INPP4B: variants seen among roughly 807,000 people sequenced by gnomAD.
INPP4B encodes the protein inositol polyphosphate 4-phosphatase type II.
In INPP4B, 55 loss-of-function variants were observed where a neutral mutation model predicts 122.5. That is an observed-to-expected ratio of 0.45 (90% CI 0.36 to 0.56). The LOEUF (loss-of-function observed/expected upper bound fraction) is 0.56. Ranked by LOEUF, INPP4B falls within the 20% of genes least tolerant of loss-of-function variation. The pLI is 0.00. For synonymous variants in INPP4B, 403 were observed against 388.7 expected, an observed-to-expected ratio of 1.04 and a Z score of -0.43; for missense variants, 1,000 against 1,097.7, an observed-to-expected ratio of 0.91 and a Z score of 1.26.
intron 2 of INPP4B, among the ~76,000 whole-genome samples, chr4:142,618,811 T>A (rs1744249742): frequency 6.6e-6 from 1 of 151,854 alleles, no homozygotes; most frequent in Non-Finnish European, 1.5e-5. Context: ...TGGAGAAAAT[T>A]TTTTGCAAAT....
At chr4:142,480,574 G>C (rs1820384437) in intron 2 of INPP4B, among the ~76,000 whole-genome samples, 1 of 152,188 alleles carries the variant, frequency 6.6e-6, no homozygotes, top group South Asian at 2.1e-4. Context: ...TGGCCATCTG[G>C]CCATCTCCAC....
chr4:142,282,641 A>G (rs1222452167), intron 9 of INPP4B, among the ~76,000 whole-genome samples: 1 of 152,130 alleles, frequency 6.6e-6, no homozygotes, highest in Non-Finnish European at 1.5e-5. Context: ...GGTTATCAGG[A>G]TAACACTCAG....
chr4:142,455,084 A>C (rs887342363), intron 3 of INPP4B, among the ~76,000 whole-genome samples: 2 of 152,008 alleles, frequency 1.3e-5, no homozygotes, highest in African/African-American at 4.8e-5. Flanking sequence ...TCAAAACCTC[A>C]TTATTTCATG....
rs564130001 is a variant in INPP4B, at chr4:142,764,944, CT to C, written c.-253-39044del. Among the ~76,000 whole-genome samples the C allele has an allele frequency of 7.1e-3, 1,084 of 152,132 alleles. 6 individuals are homozygous for C. The highest frequency in any genetic ancestry group is 0.011 in the Non-Finnish European group (780 of 68,006). On this transcript the variant is annotated intron_variant, in intron 1 of 25. Coordinates refer to ENST00000262992, the MANE Select transcript of INPP4B (RefSeq NM_001101669.3). ...AGACTAGGGACATATGAGATTTACTCTCTTAAGAGTAAATAATCTACTCTGG... is the reference window on the plus strand; with the variant it reads ...AGACTAGGGACATATGAGATTTACTCCTTAAGAGTAAATAATCTACTCTGG...
intron 25 of INPP4B, among the ~76,000 whole-genome samples, chr4:142,046,483 G>C (rs1751510113): frequency 1.3e-5 from 2 of 152,012 alleles, no homozygotes; most frequent in Admixed American, 1.3e-4. Context: ...TAGTACAGTT[G>C]AAGGAGGCGG....
At chr4:142,131,571 G>A (rs756509663) in intron 18 of INPP4B, among the ~76,000 whole-genome samples, 5 of 152,180 alleles carry the variant, frequency 3.3e-5, no homozygotes, top group African/African-American at 9.7e-5. Flanking sequence ...AGGGCCTCAC[G>A]TCCATAGATT....
intron 2 of INPP4B, among the ~76,000 whole-genome samples, chr4:142,702,190 A>T (rs1761878925): frequency 7.0e-6 from 1 of 143,498 alleles, no homozygotes. Context: ...TAGTTTCTTT[A>T]AAAAAAAAAA....
chr4:142,791,575 G>T (rs566079855), intron 1 of INPP4B, among the ~76,000 whole-genome samples: 73 of 152,038 alleles, frequency 4.8e-4, no homozygotes, highest in Non-Finnish European at 7.9e-4. Flanking sequence ...ATCATGTCTT[G>T]CCACTAACAT....
chr4:142,496,581 TTC>T (rs964457889), intron 2 of INPP4B, among the ~76,000 whole-genome samples: 6 of 152,276 alleles, frequency 3.9e-5, no homozygotes, highest in African/African-American at 7.2e-5. Flanking sequence ...TGGCTGTATT[TTC>T]TCTCAGACCT....
At chr4:142,703,596 G>T (rs1762084042) in intron 2 of INPP4B, among the ~76,000 whole-genome samples, 2 of 152,162 alleles carry the variant, frequency 1.3e-5, no homozygotes, top group Admixed American at 1.3e-4. Context: ...ATGTTTATGG[G>T]TATATAAATA....
At chr4:142,802,532 T>C (rs1024817901) in intron 1 of INPP4B, among the ~76,000 whole-genome samples, 2 of 152,142 alleles carry the variant, frequency 1.3e-5, no homozygotes, top group African/African-American at 4.8e-5. Context: ...TCACTTGTTA[T>C]AGGAAAGATA....
intron 2 of INPP4B, among the ~76,000 whole-genome samples, chr4:142,487,031 C>T (rs1383975503): frequency 1.3e-5 from 2 of 152,022 alleles, no homozygotes; most frequent in Non-Finnish European, 2.9e-5. Context: ...TTGGGAGGGA[C>T]CCGGTGAAAG....
chr4:142,601,712 G>A (rs1226469416), intron 2 of INPP4B, among the ~76,000 whole-genome samples: 7 of 151,944 alleles, frequency 4.6e-5, no homozygotes, highest in Admixed American at 3.9e-4. Flanking sequence ...GCTCATGCCT[G>A]TAATCCCAGC....
At chr4:142,704,259 C>T (rs28687206) in intron 2 of INPP4B, among the ~76,000 whole-genome samples, 4,311 of 152,116 alleles carry the variant, frequency 0.028, 179 homozygotes, top group African/African-American at 0.097. Context: ...TGATAAATAA[C>T]GTATTGGAAA....
chr4:142,682,839 A>T (rs1451071409), intron 2 of INPP4B, among the ~76,000 whole-genome samples: 1 of 152,114 alleles, frequency 6.6e-6, no homozygotes, highest in East Asian at 1.9e-4. Context: ...TACCTTTGGC[A>T]TCTATAAGAT....
Position 142,238,037 on chromosome 4 carries a change from G to T in INPP4B, c.689-26C>A, listed in dbSNP as rs771670574. 9.5e-6 allele frequency: 12 copies of T among 1,263,446 alleles called. No homozygotes were observed. In the South Asian group the frequency reaches 1.6e-4, roughly 17 times the overall value. The allele number at this position is 1,263,446 out of a possible 1,614,324, so 78.3% of individuals were successfully genotyped here. Reference sequence around the variant, plus strand: ...CTGGAAAAAAAAAGAAAAAATAATAGTTAAATTCTAAGCAAATGCATGTCA... The same window carrying T: ...CTGGAAAAAAAAAGAAAAAATAATATTTAAATTCTAAGCAAATGCATGTCA... On this transcript the variant is annotated intron_variant, in intron 11 of 25. Transcript: ENST00000262992.
At chr4:142,474,273 C>A (rs1819442700) in intron 2 of INPP4B, 2 of 152,208 alleles carry the variant, frequency 1.3e-5, no homozygotes, top group Admixed American at 1.3e-4. Context: ...TGAACTCAGC[C>A]AGTGAGTGCA....
intron 2 of INPP4B, among the ~76,000 whole-genome samples, chr4:142,686,003 C>G (rs184965557): frequency 6.6e-6 from 1 of 152,054 alleles, no homozygotes; most frequent in African/African-American, 2.4e-5. Flanking sequence ...CCAGAAGCCT[C>G]GCTTTGAATT....
chr4:142,625,788 T>C (rs1746231164), intron 2 of INPP4B, among the ~76,000 whole-genome samples: 1 of 152,004 alleles, frequency 6.6e-6, no homozygotes, highest in African/African-American at 2.4e-5. Context: ...AACAGAGATA[T>C]AGATCAATGG....
Sources: allele counts gnomAD v4.1 joint callset (sites outside exome capture counted in the v4.1 genomes callset), GRCh38; gene constraint gnomAD v4.1.1; transcripts MANE v1.5; gene names NCBI Gene and HGNC (gene_info 2026-07-23, HGNC 2026-07-21).